TNKS: variants seen among roughly 807,000 people sequenced by gnomAD.
The protein encoded by TNKS is tankyrase, also known as poly [ADP-ribose] polymerase tankyrase-1.
A neutral mutation model predicts 135.8 loss-of-function variants in TNKS; 72 were observed. The ratio of observed to expected loss-of-function variants is 0.53; its 90% confidence interval spans 0.44 to 0.64. The LOEUF (loss-of-function observed/expected upper bound fraction) is 0.64, where lower values mean the gene tolerates loss of function less well. TNKS is among the 30% of genes least tolerant of loss of function. The pLI is 0.00. For synonymous variants in TNKS, 849 were observed against 649.3 expected, an observed-to-expected ratio of 1.31 and a Z score of -4.68; for missense variants, 1,769 against 1,674.0, an observed-to-expected ratio of 1.06 and a Z score of -0.99.
intron 2 of TNKS, among the ~76,000 whole-genome samples, chr8:9,599,945 A>G (rs1267688019): frequency 6.6e-6 from 1 of 152,254 alleles, no homozygotes; most frequent in African/African-American, 2.4e-5. Flanking sequence ...AGTCATATAT[A>G]GAAGACCTCT....
chr8:9,675,865 A>T (rs1802510503), intron 3 of TNKS, among the ~76,000 whole-genome samples: 6 of 152,156 alleles, frequency 3.9e-5, no homozygotes, highest in Admixed American at 3.9e-4. Context: ...ATGATCCCTT[A>T]GGAGAGTGGT....
At chr8:9,725,028 A>G (rs989160356) in intron 12 of TNKS, among the ~76,000 whole-genome samples, 2 of 152,246 alleles carry the variant, frequency 1.3e-5, no homozygotes, top group East Asian at 1.9e-4. Context: ...ACCTGTAGAT[A>G]TTGAAAGGAT....
intron 1 of TNKS, among the ~76,000 whole-genome samples, chr8:9,571,567 C>T (rs757555771): frequency 6.6e-6 from 1 of 152,176 alleles, no homozygotes; most frequent in Non-Finnish European, 1.5e-5. Context: ...ACGCCATTCT[C>T]CTGCCTCAGC....
chr8:9,753,303 A>G (rs1806651043), intron 20 of TNKS, among the ~76,000 whole-genome samples: 6 of 152,192 alleles, frequency 3.9e-5, no homozygotes, highest in Admixed American at 2.6e-4. Context: ...GCAGTTGCCC[A>G]TTAATTTGGA....
At chr8:9,718,262 G>A (rs1404141107) in intron 11 of TNKS, among the ~76,000 whole-genome samples, 3 of 151,980 alleles carry the variant, frequency 2.0e-5, no homozygotes, top group East Asian at 1.9e-4. Context: ...TTCAACTCTC[G>A]GCTTACTTGA....
intron 3 of TNKS, among the ~76,000 whole-genome samples, chr8:9,633,959 C>T (rs969068622): frequency 7.9e-5 from 12 of 152,022 alleles, no homozygotes; most frequent in African/African-American, 2.9e-4. Context: ...ATTCCTGACC[C>T]TCAGAAACTA....
intron 3 of TNKS, among the ~76,000 whole-genome samples, chr8:9,626,823 C>T (rs961538111): frequency 6.6e-6 from 1 of 152,152 alleles, no homozygotes; most frequent in African/African-American, 2.4e-5. Context: ...ATTTATTAAT[C>T]GCAATGGCTA....
At chr8:9,765,861 A>G in intron 24 of TNKS, 64 bp downstream of exon 24, 3 of 1,342,282 alleles carry the variant, frequency 2.2e-6, no homozygotes, top group South Asian at 1.2e-5. Context: ...GTAAAGGGAA[A>G]AACCTACGTT....
At position 9,697,172 on chromosome 8, in the gene TNKS, A is replaced by G. The variant is rs539624635; in HGVS notation, c.1108-7491A>G. Among the ~76,000 whole-genome samples the G allele has an allele frequency of 1.7e-4, 26 of 152,336 alleles. 3 individuals are homozygous for G. The highest frequency in any genetic ancestry group is 6.3e-4 in the African/African-American group (26 of 41,576). On this transcript the variant is annotated intron_variant, in intron 5 of 26. Transcript: ENST00000310430. ...CATACCTATAATCATCTGATCTTCC[A>G]CAAGTCCAACGAAAAGAATTAATGG...
chr8:9,557,132 G>A (rs7013834), intron 1 of TNKS: 19,070 of 159,082 alleles, frequency 0.12, 1,417 homozygotes, highest in Admixed American at 0.23. Flanking sequence ...TTGCAGTCTA[G>A]ACGGGGAGAC....
At chr8:9,637,281 T>A (rs1035357755) in intron 3 of TNKS, among the ~76,000 whole-genome samples, 7 of 152,204 alleles carry the variant, frequency 4.6e-5, no homozygotes, top group Admixed American at 4.6e-4. Flanking sequence ...GTGAGTATCA[T>A]GTTGTTTTTC....
In TNKS at chr8:9,556,265, C is replaced by G; in HGVS notation, c.326C>G (p.Ser109Cys). The change falls in exon 1 of 27, where the codon TCT (serine) becomes TGT (cysteine). Residue 109 changes from serine (S) to cysteine (C), a missense_variant. Coordinates refer to ENST00000310430, the MANE Select transcript of TNKS (RefSeq NM_003747.3). ...VAAAPVVPAV[S>C]TSSAAGVAPN... ...GCCGCTCCCGTGGTCCCAGCGGTTT[C>G]TACTTCATCTGCCGCTGGGGTCGCT... 1.2e-6 allele frequency: 2 copies of G among 1,614,254 alleles called. No homozygotes were observed. Among genetic ancestry groups the G allele is most frequent in the Non-Finnish European group, 1.7e-6 (2 of 1,180,032 alleles).
intron 2 of TNKS, among the ~76,000 whole-genome samples, chr8:9,603,674 G>A (rs1224027808): frequency 1.3e-5 from 2 of 152,144 alleles, no homozygotes; most frequent in African/African-American, 4.8e-5. Flanking sequence ...GGTTCTCATA[G>A]GTTCCTCCAA....
Position 9,752,711 on chromosome 8 carries a change from A to C in TNKS, c.3153+85A>C, listed in dbSNP as rs1039309579. Reference sequence around the variant, plus strand: ...CAGTGGTTCACACCTTACTCCCAACACTTTGGAATGCTTCGGCAGGATTGC... The same window carrying C: ...CAGTGGTTCACACCTTACTCCCAACCCTTTGGAATGCTTCGGCAGGATTGC... On this transcript the variant is annotated intron_variant, in intron 20 of 26. Coordinates refer to ENST00000310430, the MANE Select transcript of TNKS (RefSeq NM_003747.3). 12 of 894,242 alleles carry C rather than the reference A, an allele frequency of 1.3e-5. No homozygotes were observed. The Middle Eastern group carries it at 7.8e-4, about 58-fold the overall frequency. The allele number at this position is 894,242 out of a possible 1,614,324, so 55.4% of individuals were successfully genotyped here.
intron 5 of TNKS, among the ~76,000 whole-genome samples, chr8:9,695,215 A>G (rs1458434909): frequency 6.6e-6 from 1 of 152,228 alleles, no homozygotes; most frequent in Non-Finnish European, 1.5e-5. Context: ...AGGTCTTCCA[A>G]AGCAGATAGC....
intron 2 of TNKS, among the ~76,000 whole-genome samples, chr8:9,606,737 A>C (rs376070711): frequency 6.6e-6 from 1 of 151,808 alleles, no homozygotes; most frequent in Non-Finnish European, 1.5e-5. Context: ...CTTTCTCTCT[A>C]TATGTTTAAT....
chr8:9,714,807 G>A (rs1339541316), intron 11 of TNKS, among the ~76,000 whole-genome samples: 4 of 152,254 alleles, frequency 2.6e-5, no homozygotes, highest in South Asian at 4.1e-4. Context: ...GGTTTCCTAC[G>A]CCTTGATAAT....
chr8:9,637,321 C>T (rs1800550455), intron 3 of TNKS, among the ~76,000 whole-genome samples: 1 of 152,168 alleles, frequency 6.6e-6, no homozygotes, highest in South Asian at 2.1e-4. Context: ...GTTCTGTGTA[C>T]CAGTTTTGGT....
At chr8:9,650,388 C>G (rs539627422) in intron 3 of TNKS, among the ~76,000 whole-genome samples, 1 of 152,286 alleles carries the variant, frequency 6.6e-6, no homozygotes, top group South Asian at 2.1e-4. Flanking sequence ...TTCTTTTAGT[C>G]TCCACACTTT....
Sources: allele counts gnomAD v4.1 joint callset (sites outside exome capture counted in the v4.1 genomes callset), GRCh38; gene constraint gnomAD v4.1.1; transcripts MANE v1.5; gene names NCBI Gene and HGNC (gene_info 2026-07-23, HGNC 2026-07-21).